Variants in NCOA6 observed in about 807,000 individuals in gnomAD.
The protein encoded by NCOA6 is NRC RAP250.
NCOA6 carries 49 observed loss-of-function variants against 171.4 expected under a neutral mutation model. The observed-to-expected ratio is 0.29, with a 90% confidence interval of 0.23 to 0.36. The LOEUF is 0.36. NCOA6 is among the 10% of genes least tolerant of loss of function. The probability of loss-of-function intolerance (pLI) is 1.00; values close to 1 mark genes in which losing one functional copy is unlikely to be tolerated. For missense variants in NCOA6, 2,248 were observed against 2,554.5 expected (o/e 0.88, Z 2.59); for synonymous variants, 910 against 927.5 (o/e 0.98, Z 0.34).
intron 5 of NCOA6, among the ~76,000 whole-genome samples, chr20:34,759,216 A>G (rs973632256): frequency 4.0e-5 from 6 of 151,792 alleles, no homozygotes; most frequent in African/African-American, 9.7e-5. Context: ...TAATCGTTCT[A>G]TATTTTATAG....
In NCOA6 at chr20:34,750,246, A is replaced by G. The variant is rs369427740; in HGVS notation, c.1949T>C (p.Leu650Pro). The G allele has an allele frequency of 1.4e-5, 23 of 1,610,376 alleles. No individual in the cohort carries two copies. Among genetic ancestry groups the G allele is most frequent in the Non-Finnish European group, 2.0e-5 (23 of 1,178,028 alleles). The change falls in exon 9 of 15, where the codon CTT becomes CCT. Residue 650 changes from leucine (L) to proline (P), a missense_variant. This residue lies in a region of NCOA6 where 987 missense variants were observed against 1,104.7 expected (regional missense o/e 0.89). Transcript: ENST00000359003. Reference protein sequence around the residue: ...GTLNPQNPMILSRAQLMPQGQ... With the variant: ...GTLNPQNPMIPSRAQLMPQGQ... ...CTGTGGCATAAGCTGGGCCCTTGAA[A>G]GGATCATAGGGTTCTGAGGGTTCAA...
intron 1 of NCOA6, among the ~76,000 whole-genome samples, chr20:34,802,343 T>A (rs184010750): frequency 4.1e-4 from 63 of 152,324 alleles, no homozygotes; most frequent in South Asian, 2.9e-3. Context: ...AGCTCACACC[T>A]GTAATCCCAG....
intron 6 of NCOA6, among the ~76,000 whole-genome samples, chr20:34,758,490 C>T (rs1482691327): frequency 6.6e-6 from 1 of 152,120 alleles, no homozygotes; most frequent in African/African-American, 2.4e-5. Flanking sequence ...TTTGAATCTC[C>T]AGGAGGGAGG....
At chr20:34,729,831 A>G (rs1990396143) in intron 13 of NCOA6, among the ~76,000 whole-genome samples, 1 of 152,188 alleles carries the variant, frequency 6.6e-6, no homozygotes, top group African/African-American at 2.4e-5. Context: ...CTTTGCTAGT[A>G]GCACCGTGGT....
chr20:34,726,711 G>A (rs969549590), intron 14 of NCOA6, among the ~76,000 whole-genome samples: 17 of 152,032 alleles, frequency 1.1e-4, no homozygotes, highest in African/African-American at 4.1e-4. Context: ...CTTGAACCTG[G>A]GAGGCGGAGG....
intron 14 of NCOA6, among the ~76,000 whole-genome samples, chr20:34,716,662 A>T: frequency 6.6e-6 from 1 of 152,016 alleles, no homozygotes; most frequent in East Asian, 1.9e-4. Flanking sequence ...AAGTGGGAGG[A>T]TCACTTGAGC....
intron 1 of NCOA6, among the ~76,000 whole-genome samples, chr20:34,825,147 C>T (rs762538071): frequency 6.6e-6 from 1 of 152,064 alleles, no homozygotes; most frequent in Non-Finnish European, 1.5e-5. Context: ...GAGCGCCACC[C>T]CGTGCAGACC....
intron 1 of NCOA6, among the ~76,000 whole-genome samples, chr20:34,816,636 G>C (rs1225244623): frequency 6.6e-6 from 1 of 151,966 alleles, no homozygotes; most frequent in African/African-American, 2.4e-5. Flanking sequence ...CTGAACTCAA[G>C]TGATCCACCC....
At position 34,743,080 on chromosome 20, in the gene NCOA6, C is replaced by A. The variant is rs755002653; in HGVS notation, c.3176G>T (p.Gly1059Val). The change falls in exon 11 of 15, where the codon GGC becomes GTC. Residue 1059 changes from glycine (G) to valine (V), a missense_variant. Gly to Val is a moderately radical substitution (Grantham distance 109). Transcript: ENST00000359003. The stretch of plus-strand genomic sequence containing the variant: ...TCTCTGGGAGTCGGGGTTCAGGGGG[C>A]CCCTTGGAGGATGGACATTTTGAGA... ...PVSQNVHPPR[G>V]PLNPDSQRMP... The A allele has an allele frequency of 6.2e-7, 1 of 1,613,270 alleles. No individual in the cohort carries two copies. Among genetic ancestry groups the A allele is most frequent in the Admixed American group, 1.7e-5 (1 of 59,998 alleles).
intron 1 of NCOA6, among the ~76,000 whole-genome samples, chr20:34,798,673 G>A (rs1454996560): frequency 6.6e-6 from 1 of 152,188 alleles, no homozygotes; most frequent in African/African-American, 2.4e-5. Context: ...GAGAACAAGA[G>A]TCTCTCCCTG....
intron 1 of NCOA6, among the ~76,000 whole-genome samples, chr20:34,810,587 G>A (rs1306737881): frequency 1.3e-5 from 2 of 148,456 alleles, no homozygotes; most frequent in Non-Finnish European, 1.5e-5. Context: ...ACGGAGTCTC[G>A]CTCTGTCACC....
Position 34,740,725 on chromosome 20 carries a change from TCTTCCC to T in NCOA6, c.5525_5530del (p.Gly1842_Glu1843del), listed in dbSNP as rs2076113224. The T allele has an allele frequency of 1.2e-6, 2 of 1,613,990 alleles. No homozygotes were observed. The highest frequency in any genetic ancestry group is 1.7e-6 in the Non-Finnish European group (2 of 1,179,984). On this transcript the variant is annotated inframe_deletion, in exon 11 of 15. Coordinates refer to ENST00000359003, the MANE Select transcript of NCOA6 (RefSeq NM_014071.5). ...AGTCTCTCCATCTGCACCATATTGT[TCTTCCC>T]CTTTCTCAAGAGAGCCTGTAACTTT...
intron 1 of NCOA6, among the ~76,000 whole-genome samples, chr20:34,818,945 A>C (rs766804318): frequency 6.6e-6 from 1 of 152,244 alleles, no homozygotes; most frequent in Non-Finnish European, 1.5e-5. Flanking sequence ...CTAATTTTCT[A>C]TCACCAATGT....
At chr20:34,783,429 A>G (rs2077569296) in intron 2 of NCOA6, among the ~76,000 whole-genome samples, 1 of 152,188 alleles carries the variant, frequency 6.6e-6, no homozygotes, top group Non-Finnish European at 1.5e-5. Context: ...CAAAGAGTAC[A>G]TGTATTAAAG....
At chr20:34,795,260 T>G (rs2078025742) in intron 1 of NCOA6, among the ~76,000 whole-genome samples, 2 of 152,204 alleles carry the variant, frequency 1.3e-5, no homozygotes, top group South Asian at 4.1e-4. Flanking sequence ...AGAGATTACT[T>G]CCGAATTGCA....
At chr20:34,730,385 C>T (rs1326824567) in intron 13 of NCOA6, among the ~76,000 whole-genome samples, 1 of 152,118 alleles carries the variant, frequency 6.6e-6, no homozygotes, top group Non-Finnish European at 1.5e-5. Context: ...CTGTACCTGG[C>T]TAGATGATTC....
chr20:34,749,417 A>T lies in NCOA6; in HGVS notation c.2778T>A (p.Ser926Arg), dbSNP rs761946061. The T allele has an allele frequency of 6.2e-7, 1 of 1,603,374 alleles. No homozygotes were observed. The highest frequency in any genetic ancestry group is 8.5e-7 in the Non-Finnish European group (1 of 1,173,042). Residue 926 changes from serine (S) to arginine (R), a missense_variant, in exon 9 of 15, where the codon AGT (serine) becomes AGA (arginine). Physicochemically the swap from Ser to Arg is moderately radical, Grantham distance 110. Transcript: ENST00000359003. Reference protein sequence around the residue: ...KKKPPRKKKNSQQDLNTPDTR... With the variant: ...KKKPPRKKKNRQQDLNTPDTR... ...TCACAACCTACTTTAGATCTTGCTGACTATTTTTCTTCTTCCGAGGGGGTT... is the reference window on the plus strand; with the variant it reads ...TCACAACCTACTTTAGATCTTGCTGTCTATTTTTCTTCTTCCGAGGGGGTT...
At chr20:34,781,382 A>G (rs944981324) in intron 3 of NCOA6, among the ~76,000 whole-genome samples, 7 of 152,238 alleles carry the variant, frequency 4.6e-5, no homozygotes, top group African/African-American at 1.7e-4. Flanking sequence ...AAGGTTCAAA[A>G]CCACAAATGC....
chr20:34,794,896 A>C (rs890867946), intron 1 of NCOA6, among the ~76,000 whole-genome samples: 1 of 152,166 alleles, frequency 6.6e-6, no homozygotes, highest in African/African-American at 2.4e-5. Flanking sequence ...GAATCCATGA[A>C]TCTCCAGCAA....
Sources: gnomAD v4.1 joint callset for allele counts (sites outside exome capture counted in the v4.1 genomes callset) on GRCh38, gnomAD v4.1.1 for gene constraint, gnomAD v4.1.1 regional missense constraint, MANE v1.5 for transcripts, NCBI Gene and HGNC (gene_info 2026-07-23, HGNC 2026-07-21) for gene names.